The following TRIM13 variants were observed in gnomAD, a reference collection of about 807,000 sequenced individuals.
The protein encoded by TRIM13 is E3 ubiquitin-protein ligase TRIM13.
A neutral mutation model predicts 27.1 loss-of-function variants in TRIM13; 15 were observed. That is an observed-to-expected ratio of 0.55 (90% CI 0.37 to 0.85). The LOEUF (loss-of-function observed/expected upper bound fraction) is 0.85, where lower values mean the gene tolerates loss of function less well. Ranked by LOEUF, TRIM13 falls within the 40% of genes least tolerant of loss-of-function variation. The probability of loss-of-function intolerance (pLI) is 0.00; values close to 1 mark genes in which losing one functional copy is unlikely to be tolerated. For missense variants in TRIM13, 402 were observed against 472.2 expected (o/e 0.85, Z 1.38); for synonymous variants, 193 against 171.5 (o/e 1.13, Z -0.98).
At chr13:50,010,512 A>C (rs1875498504) in intron 1 of TRIM13, among the ~76,000 whole-genome samples, 1 of 152,208 alleles carries the variant, frequency 6.6e-6, no homozygotes, top group African/African-American at 2.4e-5. Context: ...GACTTGAAAT[A>C]GTATTCACTG....
In TRIM13 at chr13:50,011,214, G is replaced by A. The variant is rs540212104; in HGVS notation, c.-6-721G>A. ...GCAAGTAACATCTTAGTGTCATTAC[G>A]AAAATAGTTTTGATCTCACAGATGC... On this transcript the variant is annotated intron_variant, in intron 1 of 1. Coordinates refer to ENST00000378182, the MANE Select transcript of TRIM13 (RefSeq NM_213590.3). Among the ~76,000 whole-genome samples, 60 of 152,232 alleles carry A rather than the reference G, an allele frequency of 3.9e-4. 1 individual carries two copies. In the South Asian group the frequency reaches 0.01, roughly 26 times the overall value.
rs117272881 is a variant in TRIM13 at position 50,010,448 on chromosome 13, T to C, written c.-6-1487T>C. Among the ~76,000 whole-genome samples the C allele has an allele frequency of 3.3e-3, 509 of 152,352 alleles. 28 individuals carry two copies. In the East Asian group the frequency reaches 0.084, roughly 25 times the overall value. The stretch of plus-strand genomic sequence containing the variant: ...AATTGTTTATGAACCTGTTGGTCTT[T>C]CGTGAACTTCAAATGGATCTTTTAC... On this transcript the variant is annotated intron_variant, in intron 1 of 1. Coordinates refer to ENST00000378182, the MANE Select transcript of TRIM13 (RefSeq NM_213590.3).
chr13:50,013,231 AT>A lies in TRIM13; in HGVS notation c.*70del. On this transcript the variant is annotated 3_prime_UTR_variant, in exon 2 of 2. Transcript: ENST00000378182. ...TAGAGAATAGAGAGTGGTAATTCAG[AT>A]TTGGTCAACGATTCTAGTCACATAT... The A allele has an allele frequency of 6.9e-7, 1 of 1,447,592 alleles. No individual in the cohort carries two copies. The highest frequency in any genetic ancestry group is 9.2e-7 in the Non-Finnish European group (1 of 1,084,164). 89.7% of individuals were successfully genotyped at this position (1,447,592 alleles called of 1,614,324 possible).
Position 50,015,083 on chromosome 13 carries a change from AAAAAAAAAAAAATATATATATATATAT to A in TRIM13, c.*1921_*1947del, listed in dbSNP as rs1876223861. 8 of 50,240 alleles carry A rather than the reference AAAAAAAAAAAAATATATATATATATAT, an allele frequency of 1.6e-4. No homozygotes were observed. Among genetic ancestry groups the A allele is most frequent in the South Asian group, 8.8e-4 (1 of 1,138 alleles). The allele number at this position is 50,240 out of a possible 1,614,324, so 3.1% of individuals were successfully genotyped here. A position where few individuals can be genotyped will look rare whatever the true frequency, so the allele number is the denominator to read the frequency against. Reference sequence around the variant, plus strand: ...TTTTCCCCTCCCAGTAATAAAAAAAAAAAAAAAAAAAATATATATATATATATATATATATATATATATATATATATA... The same window carrying A: ...TTTTCCCCTCCCAGTAATAAAAAAAAATATATATATATATATATATATATA... On this transcript the variant is annotated 3_prime_UTR_variant, in exon 2 of 2. Coordinates refer to ENST00000378182, the MANE Select transcript of TRIM13 (RefSeq NM_213590.3).
Position 49,999,084 on chromosome 13 carries a change from CTTTT to C in TRIM13, c.-7+1322_-7+1325del, listed in dbSNP as rs1375019199. Among the ~76,000 whole-genome samples, 42 of 34,782 alleles carry C rather than the reference CTTTT, an allele frequency of 1.2e-3. 1 individual carries two copies. The Middle Eastern group carries it at 0.094, about 78-fold the overall frequency. The allele number at this position is 34,782 out of a possible 152,430, so 22.8% of individuals were successfully genotyped here. A position where few individuals can be genotyped will look rare whatever the true frequency, so the allele number is the denominator to read the frequency against. On this transcript the variant is annotated intron_variant, in intron 1 of 1. Transcript: ENST00000378182. ...CATTCAATATGGGGTTTCTCACTCC[CTTTT>C]CCTTGTCACCCTATGTGGGCGTCTG...
intron 1 of TRIM13, among the ~76,000 whole-genome samples, chr13:50,004,844 G>A (rs564683297): frequency 1.3e-5 from 2 of 152,102 alleles, no homozygotes; most frequent in South Asian, 2.1e-4. Context: ...GGGAGGCCAA[G>A]GAGGGCGGAT....
chr13:50,008,920 T>G (rs1276841352), intron 1 of TRIM13, among the ~76,000 whole-genome samples: 1 of 150,222 alleles, frequency 6.7e-6, no homozygotes, highest in African/African-American at 2.5e-5. Context: ...TCCCAGCTAC[T>G]TGGAGGTTGA....
Position 50,015,632 on chromosome 13 carries a change from G to A in TRIM13, c.*2468G>A, listed in dbSNP as rs150313045. The stretch of plus-strand genomic sequence containing the variant: ...AGACCAAGAATTCAAGATGGTTGGT[G>A]GCCAGATTTTTGTAGACAGAGATGG... On this transcript the variant is annotated 3_prime_UTR_variant, in exon 2 of 2. Coordinates refer to ENST00000378182, the MANE Select transcript of TRIM13 (RefSeq NM_213590.3). The A allele has an allele frequency of 2.0e-4, 318 of 1,614,080 alleles. 2 individuals are homozygous for A. In the African/African-American group the frequency reaches 3.9e-3, roughly 20 times the overall value.
intron 1 of TRIM13, among the ~76,000 whole-genome samples, chr13:50,010,980 A>G (rs1244472084): frequency 6.6e-6 from 1 of 152,218 alleles, no homozygotes; most frequent in Non-Finnish European, 1.5e-5. Flanking sequence ...AACTGTACAC[A>G]GGCTCAAGAC....
rs1010555047 is a variant in TRIM13 at position 49,997,506 on chromosome 13, C to G, written c.-264C>G. The G allele has an allele frequency of 6.6e-6, 1 of 152,208 alleles. No homozygotes were observed. The highest frequency in any genetic ancestry group is 1.5e-5 in the Non-Finnish European group (1 of 68,082). The allele number at this position is 152,208 out of a possible 1,614,324, so 9.4% of individuals were successfully genotyped here. A position where few individuals can be genotyped will look rare whatever the true frequency, so the allele number is the denominator to read the frequency against. On this transcript the variant is annotated 5_prime_UTR_variant, in exon 1 of 2. Coordinates refer to ENST00000378182, the MANE Select transcript of TRIM13 (RefSeq NM_213590.3). ...TGGCGCCGGGGGAGGGCGCCCTAAC[C>G]GAGAAGCTGCTTAATACAAAGAGCT...
chr13:50,004,297 A>G (rs992722825), intron 1 of TRIM13, among the ~76,000 whole-genome samples: 1 of 152,086 alleles, frequency 6.6e-6, no homozygotes, highest in Non-Finnish European at 1.5e-5. Context: ...ATCTATACAA[A>G]AAAAGTACAA....
At chr13:49,998,424 T>C (rs1378747953) in intron 1 of TRIM13, among the ~76,000 whole-genome samples, 3 of 152,228 alleles carry the variant, frequency 2.0e-5, no homozygotes, top group South Asian at 2.1e-4. Context: ...TTATGTAATA[T>C]TTGTTTTGCC....
At chr13:49,998,390 T>C (rs1164092427) in intron 1 of TRIM13, among the ~76,000 whole-genome samples, 2 of 152,240 alleles carry the variant, frequency 1.3e-5, no homozygotes, top group East Asian at 3.8e-4. Flanking sequence ...CTCATTTTCA[T>C]GACACTGCTT....
rs751719798 is a variant in TRIM13, at chr13:50,015,963, T to C, written c.*2799T>C. The C allele has an allele frequency of 6.2e-7, 1 of 1,614,132 alleles. No homozygotes were observed. The highest frequency in any genetic ancestry group is 1.3e-5 in the African/African-American group (1 of 75,046). On this transcript the variant is annotated 3_prime_UTR_variant, in exon 2 of 2. Coordinates refer to ENST00000378182, the MANE Select transcript of TRIM13 (RefSeq NM_213590.3). ...GCGCCGACCTGGAATGGTAACTTTT[T>C]CCCTCCTCAGATGACCTTACTTCCA...
rs529885231 is a variant in TRIM13, at chr13:50,016,734, C to G, written c.*3570C>G. 2.3e-4 allele frequency: 39 copies of G among 167,056 alleles called. No individual in the cohort carries two copies. The highest frequency in any genetic ancestry group is 4.8e-4 in the Non-Finnish European group (33 of 68,124). 10.3% of individuals were successfully genotyped at this position (167,056 alleles called of 1,614,324 possible). The stretch of plus-strand genomic sequence containing the variant: ...CTGATTTCCACTCTGCTGTCACAAA[C>G]ATTTTTCCCCCCGTAAAATGTCTTA... On this transcript the variant is annotated 3_prime_UTR_variant, in exon 2 of 2. Coordinates refer to ENST00000378182, the MANE Select transcript of TRIM13 (RefSeq NM_213590.3).
At position 50,015,085 on chromosome 13, in the gene TRIM13, AAAAAAAAAAATATATATATATATATAT is replaced by A. The variant is rs1876235683; in HGVS notation, c.*1923_*1949del. 1.7e-5 allele frequency: 1 copy of A among 59,608 alleles called. No homozygotes were observed. The highest frequency in any genetic ancestry group is 4.1e-4 in the East Asian group (1 of 2,448). The allele number at this position is 59,608 out of a possible 1,614,324, so 3.7% of individuals were successfully genotyped here. A position where few individuals can be genotyped will look rare whatever the true frequency, so the allele number is the denominator to read the frequency against. On this transcript the variant is annotated 3_prime_UTR_variant, in exon 2 of 2. Coordinates refer to ENST00000378182, the MANE Select transcript of TRIM13 (RefSeq NM_213590.3). ...TTCCCCTCCCAGTAATAAAAAAAAAAAAAAAAAAAATATATATATATATATATATATATATATATATATATATATATA... is the reference window on the plus strand; with the variant it reads ...TTCCCCTCCCAGTAATAAAAAAAAAAATATATATATATATATATATATATA...
chr13:50,017,044 T>C lies in TRIM13; in HGVS notation c.*3880T>C, dbSNP rs1876688578. ...ATGACAATTCTTAATTGTTTACATT[T>C]TATAACTTCCTGTCCTTCAAAAGAG... is the stretch of plus-strand genomic sequence containing the variant. On this transcript the variant is annotated 3_prime_UTR_variant, in exon 2 of 2. Coordinates refer to ENST00000378182, the MANE Select transcript of TRIM13 (RefSeq NM_213590.3). 6.0e-6 allele frequency: 1 copy of C among 167,002 alleles called. No individual in the cohort carries two copies. The highest frequency in any genetic ancestry group is 2.4e-5 in the African/African-American group (1 of 41,438). The allele number at this position is 167,002 out of a possible 1,614,324, so 10.3% of individuals were successfully genotyped here. A position where few individuals can be genotyped will look rare whatever the true frequency, so the allele number is the denominator to read the frequency against.
At chr13:50,003,316 T>C (rs530363063) in intron 1 of TRIM13, among the ~76,000 whole-genome samples, 61 of 152,208 alleles carry the variant, frequency 4.0e-4, no homozygotes, top group African/African-American at 1.4e-3. Context: ...GATAAAAGCG[T>C]GATATATTTA....
chr13:50,011,767 A>G (rs1277895713), intron 1 of TRIM13, among the ~76,000 whole-genome samples, 168 bp from the exon 2 acceptor site: 4 of 152,222 alleles, frequency 2.6e-5, no homozygotes, highest in African/African-American at 7.2e-5. Flanking sequence ...GTCTCAGTGG[A>G]TTAAATTTGC....
Sources: allele counts gnomAD v4.1 joint callset (sites outside exome capture counted in the v4.1 genomes callset), GRCh38; gene constraint gnomAD v4.1.1; transcripts MANE v1.5; gene names NCBI Gene and HGNC (gene_info 2026-07-23, HGNC 2026-07-21).